The following CFAP92 variants were observed in gnomAD, a reference collection of about 807,000 sequenced individuals.
The protein encoded by CFAP92 is cilia and flagella associated protein 92 (putative), also known as uncharacterized protein CFAP92.
A neutral mutation model predicts 106.3 loss-of-function variants in CFAP92; 86 were observed. That is an observed-to-expected ratio of 0.81 (90% CI 0.68 to 0.97). The LOEUF is 0.97. Among genes scored for constraint, CFAP92 ranks in the 50% least tolerant of loss-of-function variants. The probability of loss-of-function intolerance (pLI) is 0.00; values close to 1 mark genes in which losing one functional copy is unlikely to be tolerated. For synonymous variants in CFAP92, 477 were observed against 506.4 expected (o/e 0.94, Z 0.78); for missense variants, 1,204 against 1,283.8 (o/e 0.94, Z 0.95).
At chr3:128,968,814 G>A (rs967614680) in intron 8 of CFAP92, 2 of 153,124 alleles carry the variant, frequency 1.3e-5, no homozygotes, top group African/African-American at 4.8e-5. Context: ...AGGTTATAGA[G>A]AGGGGAGGCT....
chr3:129,009,963 T>C, the CFAP92 span, among the ~76,000 whole-genome samples: 1 of 152,208 alleles, frequency 6.6e-6, no homozygotes, highest in Non-Finnish European at 1.5e-5. Context: ...GTTCTGTCCG[T>C]AGCTGGGAGC....
chr3:129,020,287 A>G, the CFAP92 span, among the ~76,000 whole-genome samples: 1 of 152,184 alleles, frequency 6.6e-6, no homozygotes, highest in Non-Finnish European at 1.5e-5. Flanking sequence ...AGGCACATAC[A>G]TCCCTAATTT....
chr3:128,910,809 C>T, intron 15 of CFAP92: 1 of 1,614,184 alleles, frequency 6.2e-7, no homozygotes, highest in Non-Finnish European at 8.5e-7. Context: ...CTCAGCTGGA[C>T]AAGTGTGAGT....
At chr3:128,983,140 T>C (rs1287257191) in intron 4 of CFAP92, among the ~76,000 whole-genome samples, 1 of 152,230 alleles carries the variant, frequency 6.6e-6, no homozygotes, top group African/African-American at 2.4e-5. Context: ...GGTATGCCTA[T>C]AAGTGACACT....
chr3:129,018,252 G>A, the CFAP92 span, among the ~76,000 whole-genome samples: 1 of 152,298 alleles, frequency 6.6e-6, no homozygotes, highest in South Asian at 2.1e-4. Context: ...TCCATAGGGA[G>A]CAGAAGTCAT....
chr3:129,003,841 C>T (rs1476605845), upstream of CFAP92: 16 of 1,458,670 alleles, frequency 1.1e-5, no homozygotes, highest in Non-Finnish European at 1.4e-5. Flanking sequence ...TGGGGCACGG[C>T]GGGCCGGAGG....
chr3:128,999,676 T>C (rs1944625786), intron 1 of CFAP92, among the ~76,000 whole-genome samples: 1 of 151,424 alleles, frequency 6.6e-6, no homozygotes, highest in Non-Finnish European at 1.5e-5. Context: ...GTAACTGGGA[T>C]TACAGGCGCC....
At chr3:128,926,749 A>G (rs989637516) in intron 12 of CFAP92, among the ~76,000 whole-genome samples, 4 of 152,148 alleles carry the variant, frequency 2.6e-5, no homozygotes, top group African/African-American at 9.7e-5. Flanking sequence ...TTAAGGTTAA[A>G]TGAGGTCATA....
intron 10 of CFAP92, among the ~76,000 whole-genome samples, chr3:128,937,460 C>T (rs1320058206): frequency 1.3e-5 from 2 of 151,974 alleles, no homozygotes; most frequent in Admixed American, 6.6e-5. Context: ...ATTAGCTGGG[C>T]GCAGTGGCGG....
intron 10 of CFAP92, among the ~76,000 whole-genome samples, chr3:128,937,297 A>G: frequency 7.1e-6 from 1 of 139,936 alleles, no homozygotes; most frequent in African/African-American, 2.7e-5. Context: ...TGGGTGACAG[A>G]GATAGACCCT....
At chr3:128,953,536 G>T (rs1272757384) in intron 9 of CFAP92, among the ~76,000 whole-genome samples, 2 of 139,056 alleles carry the variant, frequency 1.4e-5, no homozygotes, top group Non-Finnish European at 3.0e-5. Context: ...AAGAAAGAGG[G>T]ATAATCACTC....
the CFAP92 span, among the ~76,000 whole-genome samples, chr3:129,009,090 C>T: frequency 1.3e-5 from 2 of 152,182 alleles, no homozygotes; most frequent in Non-Finnish European, 1.5e-5. Flanking sequence ...CATAAAATGT[C>T]ATTCAATCCC....
the CFAP92 span, among the ~76,000 whole-genome samples, chr3:129,013,075 C>T: frequency 4.6e-5 from 7 of 152,148 alleles, no homozygotes; most frequent in Admixed American, 6.5e-5. Context: ...TAGCTCCAGA[C>T]GTGCCAGTGT....
At chr3:128,948,112 A>C (rs1220135750) in intron 9 of CFAP92, among the ~76,000 whole-genome samples, 1 of 152,216 alleles carries the variant, frequency 6.6e-6, no homozygotes, top group East Asian at 1.9e-4. Context: ...GACAAACTAC[A>C]GACTGGGAGA....
chr3:128,964,397 C>T (rs1942202322), intron 9 of CFAP92, among the ~76,000 whole-genome samples: 1 of 152,146 alleles, frequency 6.6e-6, no homozygotes, highest in South Asian at 2.1e-4. Context: ...ACTTGTCATC[C>T]CTACTATCTT....
At chr3:128,910,874 G>C in intron 15 of CFAP92, 1 of 1,580,632 alleles carries the variant, frequency 6.3e-7, no homozygotes, top group Non-Finnish European at 8.7e-7. Context: ...TATTGATGGT[G>C]AGCTGTTTCT....
intron 9 of CFAP92, among the ~76,000 whole-genome samples, chr3:128,959,431 A>G (rs1221044022): frequency 1.3e-5 from 2 of 152,194 alleles, no homozygotes; most frequent in Non-Finnish European, 2.9e-5. Context: ...AGAAAAAAAT[A>G]TATCTGCAGA....
At chr3:129,002,451 C>T in intron 1 of CFAP92, 2 of 1,389,580 alleles carry the variant, frequency 1.4e-6, no homozygotes, top group Non-Finnish European at 1.9e-6. Flanking sequence ...CCCACACCAT[C>T]CCACTCCGCA....
At chr3:129,002,127 A>G in intron 1 of CFAP92, 1 of 1,475,910 alleles carries the variant, frequency 6.8e-7, no homozygotes, top group Non-Finnish European at 8.9e-7. Flanking sequence ...CGGCGCTCTC[A>G]GCGAGCACAT....
Sources: allele counts gnomAD v4.1 joint callset (sites outside exome capture counted in the v4.1 genomes callset), GRCh38; gene constraint gnomAD v4.1.1; transcripts MANE v1.5; gene names NCBI Gene and HGNC (gene_info 2026-07-23, HGNC 2026-07-21).